Variants in HIPK2 observed in about 807,000 individuals in gnomAD.
HIPK2 encodes homeodomain-interacting protein kinase 2.
Under a neutral mutation model 113.7 loss-of-function variants are expected in HIPK2, and 27 were observed. That is an observed-to-expected ratio of 0.24 (90% CI 0.17 to 0.33). The LOEUF is 0.33. Ranked by LOEUF, HIPK2 falls within the 10% of genes least tolerant of loss-of-function variation. The probability of loss-of-function intolerance (pLI) is 1.00; values close to 1 mark genes in which losing one functional copy is unlikely to be tolerated. For missense variants in HIPK2, 1,257 were observed against 1,588.0 expected (o/e 0.79, Z 3.54); for synonymous variants, 631 against 642.2 (o/e 0.98, Z 0.26).
chr7:139,754,519 T>C (rs1297658054), intron 1 of HIPK2, among the ~76,000 whole-genome samples: 3 of 152,148 alleles, frequency 2.0e-5, no homozygotes, highest in Admixed American at 1.3e-4. Context: ...TATAGATACA[T>C]GTACATGTAT....
At chr7:139,752,211 C>T (rs1796289687) in intron 1 of HIPK2, among the ~76,000 whole-genome samples, 1 of 152,276 alleles carries the variant, frequency 6.6e-6, no homozygotes, top group East Asian at 1.9e-4. Context: ...CCTCCTCAGC[C>T]CCCCACCCCA....
intron 1 of HIPK2, among the ~76,000 whole-genome samples, chr7:139,749,246 C>G (rs978204970): frequency 1.3e-5 from 2 of 152,262 alleles, no homozygotes; most frequent in East Asian, 1.9e-4. Context: ...CCAAGCTCAT[C>G]AGACGTGATT....
intron 2 of HIPK2, among the ~76,000 whole-genome samples, chr7:139,679,656 GTCA>G (rs1455162776): frequency 6.6e-6 from 1 of 152,156 alleles, no homozygotes; most frequent in African/African-American, 2.4e-5. Flanking sequence ...TTCATTATTT[GTCA>G]TTCAGCAAAT....
At chr7:139,738,259 T>A (rs1795995868) in intron 1 of HIPK2, among the ~76,000 whole-genome samples, 1 of 152,230 alleles carries the variant, frequency 6.6e-6, no homozygotes, top group South Asian at 2.1e-4. Context: ...CTTCAGTTGA[T>A]CTCTGTACCA....
At chr7:139,602,638 C>A (rs1290537555) in intron 10 of HIPK2, among the ~76,000 whole-genome samples, 1 of 151,920 alleles carries the variant, frequency 6.6e-6, no homozygotes, top group Non-Finnish European at 1.5e-5. Flanking sequence ...AAAAAAAAAC[C>A]CAGTTGGTCA....
At chr7:139,776,123 T>C (rs899878548) in intron 1 of HIPK2, among the ~76,000 whole-genome samples, 10 of 152,216 alleles carry the variant, frequency 6.6e-5, no homozygotes, top group Admixed American at 6.5e-4. Flanking sequence ...CATGTTCACA[T>C]GTCCACCGGC....
chr7:139,646,577 A>G (rs1801238686), intron 2 of HIPK2, among the ~76,000 whole-genome samples: 1 of 152,038 alleles, frequency 6.6e-6, no homozygotes, highest in Non-Finnish European at 1.5e-5. Flanking sequence ...CTTCTCATTA[A>G]CCAGTTTTCT....
At chr7:139,686,221 C>A (rs1204709540) in intron 2 of HIPK2, among the ~76,000 whole-genome samples, 11 of 152,014 alleles carry the variant, frequency 7.2e-5, no homozygotes, top group Admixed American at 6.5e-4. Flanking sequence ...AGGAAGAGAA[C>A]CAGAAAGAGA....
At chr7:139,720,022 T>C (rs145426086) in intron 1 of HIPK2, among the ~76,000 whole-genome samples, 7 of 152,260 alleles carry the variant, frequency 4.6e-5, no homozygotes, top group Admixed American at 3.3e-4. Flanking sequence ...TACATTTACA[T>C]GTTGATTCCA....
chr7:139,630,449 G>C lies in HIPK2; in HGVS notation c.1347+716C>G, dbSNP rs923332388. ...GTCTCACTCTGTCGCCCAGGCTGGA[G>C]TGCAGTGGCACAATCTCAGCTCACT... On this transcript the variant is annotated intron_variant, in intron 4 of 14. Coordinates refer to ENST00000406875, the MANE Select transcript of HIPK2 (RefSeq NM_022740.5). This position sits in a 1 kb window ranked among gnomAD's most constrained non-coding sequence, Gnocchi z 4.0. Among the ~76,000 whole-genome samples the C allele has an allele frequency of 1.3e-4, 20 of 152,210 alleles. No homozygotes were observed. Among genetic ancestry groups the C allele is most frequent in the African/African-American group, 4.3e-4 (18 of 41,440 alleles).
Position 139,756,013 on chromosome 7 carries a change from A to G in HIPK2, c.19+21592T>C, listed in dbSNP as rs147608956. Among the ~76,000 whole-genome samples the G allele has an allele frequency of 7.2e-3, 1,102 of 152,360 alleles. 16 individuals carry two copies. The highest frequency in any genetic ancestry group is 0.025 in the African/African-American group (1,034 of 41,588). ...TACCTTCCCCATCTCTCAGGCTCAG[A>G]CAGTTAGAGAAATCAGTCTGTCCCA... is the stretch of plus-strand genomic sequence containing the variant. On this transcript the variant is annotated intron_variant, in intron 1 of 14. Transcript: ENST00000406875.
chr7:139,753,082 T>C (rs1176230216), intron 1 of HIPK2, among the ~76,000 whole-genome samples: 1 of 152,210 alleles, frequency 6.6e-6, no homozygotes, highest in Non-Finnish European at 1.5e-5. Flanking sequence ...AGTAGTCAGA[T>C]GGGCATGGTT....
chr7:139,713,282 T>C (rs1162411656), intron 2 of HIPK2, among the ~76,000 whole-genome samples: 1 of 152,116 alleles, frequency 6.6e-6, no homozygotes, highest in Non-Finnish European at 1.5e-5. Context: ...AGGATCGCTG[T>C]GAGTCCAGGT....
Position 139,573,193 on chromosome 7 carries a change from G to A in HIPK2, c.3331C>T (p.Leu1111=). The A allele has an allele frequency of 6.2e-7, 1 of 1,607,706 alleles. No individual in the cohort carries two copies. Residue 1111 remains leucine (L), a synonymous_variant, in exon 15 of 15, where the codon CTG becomes TTG. Transcript: ENST00000406875. ...HLYTYTAPAA[L]GSTGTVAHLV... is the part of the protein sequence containing the mutation. The stretch of plus-strand genomic sequence containing the variant: ...TGGGCCACGGTGCCGGTGGAGCCCA[G>A]GGCCGCCGGCGCAGTGTAGGTGTAG...
intron 2 of HIPK2, among the ~76,000 whole-genome samples, chr7:139,678,335 G>T (rs1161505657): frequency 6.6e-6 from 1 of 151,742 alleles, no homozygotes; most frequent in African/African-American, 2.4e-5. Context: ...TTTTCTTCTA[G>T]GGTTTTTATA....
At position 139,631,823 on chromosome 7, in the gene HIPK2, ACTC is replaced by A. The variant is rs1048459503; in HGVS notation, c.1104-101_1104-99del. 6 of 1,411,252 alleles carry A rather than the reference ACTC, an allele frequency of 4.3e-6. No individual in the cohort carries two copies. The African/African-American group carries it at 4.4e-5, about 10-fold the overall frequency. 87.4% of individuals were successfully genotyped at this position (1,411,252 alleles called of 1,614,324 possible). A position where few individuals can be genotyped will look rare whatever the true frequency, so the allele number is the denominator to read the frequency against. On this transcript the variant is annotated intron_variant, in intron 2 of 14. Coordinates refer to ENST00000406875, the MANE Select transcript of HIPK2 (RefSeq NM_022740.5). The surrounding 1 kb of genome is among the most constrained non-coding windows in gnomAD (Gnocchi z 4.9). ...TTTCAAACCTGGGGTGCCATTACTG[ACTC>A]CTCCTCTGAAGGGCCTGTGGCTCTC...
intron 2 of HIPK2, among the ~76,000 whole-genome samples, chr7:139,650,714 T>G (rs1801428507): frequency 6.6e-6 from 1 of 152,264 alleles, no homozygotes; most frequent in African/African-American, 2.4e-5. Flanking sequence ...ATGTGGCTTC[T>G]GCTTTTGCTC....
chr7:139,650,265 G>A (rs148091246), intron 2 of HIPK2, among the ~76,000 whole-genome samples: 8,088 of 149,140 alleles, frequency 0.054, 270 homozygotes, highest in African/African-American at 0.097. Flanking sequence ...CAAGAGAATC[G>A]CTTGAACCCA....
intron 1 of HIPK2, among the ~76,000 whole-genome samples, chr7:139,771,176 T>C (rs1312640162): frequency 6.6e-6 from 1 of 152,128 alleles, no homozygotes; most frequent in Non-Finnish European, 1.5e-5. Context: ...TCAGAATCTA[T>C]AACGAATTTG....
Sources: allele counts gnomAD v4.1 joint callset (sites outside exome capture counted in the v4.1 genomes callset), GRCh38; gene constraint gnomAD v4.1.1; non-coding constraint Gnocchi (gnomAD v3.1); transcripts MANE v1.5; gene names NCBI Gene and HGNC (gene_info 2026-07-23, HGNC 2026-07-21).